Variants in ALK observed in about 807,000 individuals in gnomAD.
The protein encoded by ALK is ALK tyrosine kinase receptor.
A neutral mutation model predicts 163.1 loss-of-function variants in ALK; 74 were observed. The observed-to-expected ratio is 0.45, with a 90% CI of 0.38 to 0.55. The LOEUF (loss-of-function observed/expected upper bound fraction) is 0.55, where lower values mean the gene tolerates loss of function less well. Ranked by LOEUF, ALK falls within the 20% of genes least tolerant of loss-of-function variation. ALK has a pLI of 0.00. For synonymous variants in ALK, 960 were observed against 843.2 expected, an observed-to-expected ratio of 1.14 and a Z score of -2.40; for missense variants, 2,063 against 2,105.3, an observed-to-expected ratio of 0.98 and a Z score of 0.39.
chr2:29,420,478 T>G (rs1669989831), intron 4 of ALK, among the ~76,000 whole-genome samples: 3 of 151,500 alleles, frequency 2.0e-5, no homozygotes, highest in Admixed American at 2.0e-4. Flanking sequence ...GAGGAACGCA[T>G]TCTGGTTGAG....
intron 3 of ALK, among the ~76,000 whole-genome samples, chr2:29,605,305 T>A (rs1166168656): frequency 6.6e-6 from 1 of 152,204 alleles, no homozygotes; most frequent in Non-Finnish European, 1.5e-5. Context: ...CCTTGCTCGC[T>A]ACTCACCTCC....
chr2:29,375,767 T>C (rs1369332258), intron 5 of ALK, among the ~76,000 whole-genome samples: 1 of 152,174 alleles, frequency 6.6e-6, no homozygotes, highest in Non-Finnish European at 1.5e-5. Context: ...CTGATTCTGG[T>C]TCAGTGCTCA....
At chr2:29,205,432 CCAAA>C (rs1297304590) in intron 26 of ALK, among the ~76,000 whole-genome samples, 1 of 151,326 alleles carries the variant, frequency 6.6e-6, no homozygotes, top group East Asian at 1.9e-4. Context: ...AACCAACCAA[CCAAA>C]CAACCACATG....
chr2:29,727,971 G>GA (rs1051562470), intron 1 of ALK, among the ~76,000 whole-genome samples: 7 of 152,092 alleles, frequency 4.6e-5, no homozygotes, highest in Non-Finnish European at 7.4e-5. Context: ...TCTCGTTAGT[G>GA]AAAAAAATCA....
chr2:29,837,991 C>T, intron 1 of ALK, among the ~76,000 whole-genome samples: 1 of 151,922 alleles, frequency 6.6e-6, no homozygotes, highest in East Asian at 1.9e-4. Context: ...AACAAAGAAA[C>T]AATTACAATG....
intron 23 of ALK, among the ~76,000 whole-genome samples, chr2:29,215,124 C>G (rs11127208): frequency 0.39 from 58,996 of 152,132 alleles, 13,313 homozygotes; most frequent in Non-Finnish European, 0.51. Context: ...CTCTTGAGCA[C>G]CTGGGCAAAC....
At chr2:29,813,090 A>C (rs1240411607) in intron 1 of ALK, among the ~76,000 whole-genome samples, 2 of 152,220 alleles carry the variant, frequency 1.3e-5, no homozygotes, top group Non-Finnish European at 2.9e-5. Flanking sequence ...AGACTGGAAG[A>C]CATTATTTCT....
chr2:29,913,662 T>C (rs1667762528), intron 1 of ALK, among the ~76,000 whole-genome samples: 1 of 152,206 alleles, frequency 6.6e-6, no homozygotes, highest in African/African-American at 2.4e-5. Flanking sequence ...CTATGGTTCA[T>C]AGAAACCACC....
chr2:29,258,159 G>A (rs1382306836), intron 11 of ALK, among the ~76,000 whole-genome samples: 1 of 152,158 alleles, frequency 6.6e-6, no homozygotes, highest in African/African-American at 2.4e-5. Context: ...TGAAGAAACT[G>A]GGCTATTTGA....
chr2:29,430,470 C>G (rs1259779231), intron 4 of ALK, among the ~76,000 whole-genome samples: 1 of 152,184 alleles, frequency 6.6e-6, no homozygotes, highest in Non-Finnish European at 1.5e-5. Context: ...GTCTTTAACA[C>G]AACTACTCAG....
chr2:29,209,732 G>A, intron 25 of ALK, 54 bp downstream of exon 25: 1 of 1,345,616 alleles, frequency 7.4e-7, no homozygotes, highest in Non-Finnish European at 1.1e-6. Flanking sequence ...CCCCATTCTT[G>A]AGGGGCTGAG....
chr2:29,752,397 T>C (rs1680393901), intron 1 of ALK, among the ~76,000 whole-genome samples: 1 of 147,336 alleles, frequency 6.8e-6, no homozygotes, highest in African/African-American at 2.5e-5. Flanking sequence ...TCGCCCAGGC[T>C]GGAGTGCAGT....
intron 3 of ALK, among the ~76,000 whole-genome samples, chr2:29,631,044 C>T (rs568510210): frequency 1.2e-4 from 18 of 151,698 alleles, no homozygotes; most frequent in East Asian, 7.8e-4. Flanking sequence ...AAAATGACCA[C>T]GGTGAGACTG....
intron 1 of ALK, among the ~76,000 whole-genome samples, chr2:29,790,669 T>C (rs901493296): frequency 2.6e-5 from 4 of 152,088 alleles, no homozygotes; most frequent in African/African-American, 4.8e-5. Flanking sequence ...CTGCAACCTC[T>C]GCCTCCCAGG....
chr2:29,362,154 G>A (rs1047392416), intron 5 of ALK, among the ~76,000 whole-genome samples: 4 of 152,174 alleles, frequency 2.6e-5, no homozygotes, highest in Non-Finnish European at 5.9e-5. Context: ...AGGAAGAATC[G>A]AAGAGAACAG....
At position 29,920,937 on chromosome 2, in the gene ALK, C is replaced by G. The variant is rs972999588; in HGVS notation, c.-278G>C. ...GGGACCTTGAGCCTCCCGCTCTCCG[C>G]GCCGAGTGCCGCGCCCCCGTCTGTA... On this transcript the variant is annotated 5_prime_UTR_variant, in exon 1 of 29. Transcript: ENST00000389048. 6 of 501,030 alleles carry G rather than the reference C, an allele frequency of 1.2e-5. No homozygotes were observed. The highest frequency in any genetic ancestry group is 7.7e-5 in the African/African-American group (4 of 51,774). 31.0% of individuals were successfully genotyped at this position (501,030 alleles called of 1,614,324 possible).
At chr2:29,823,297 T>C (rs551900786) in intron 1 of ALK, among the ~76,000 whole-genome samples, 3 of 152,292 alleles carry the variant, frequency 2.0e-5, no homozygotes, top group South Asian at 2.1e-4. Flanking sequence ...AGATATATCA[T>C]TATCAGCAGC....
Position 29,223,498 on chromosome 2 carries a change from G to A in ALK, c.3203C>T (p.Ala1068Val), listed in dbSNP as rs754439273. ...AGGGCTCTGCAGCTCCATCTGCATG[G>A]CTTGCAGCTCCTGGTGCTTCCGGCG... ...VYRRKHQELQ[A>V]MQMELQSPEY... Residue 1068 changes from alanine to valine, a missense_variant, in exon 20 of 29, where the codon GCC becomes GTC. By Grantham distance (64) the Ala-to-Val change is moderately conservative (BLOSUM62 0). This residue lies in a region of ALK where 575 missense variants were observed against 626.6 expected (regional missense o/e 0.92). Coordinates refer to ENST00000389048, the MANE Select transcript of ALK (RefSeq NM_004304.5). 1 of 1,614,038 alleles carries A rather than the reference G, an allele frequency of 6.2e-7. No individual in the cohort carries two copies. The highest frequency in any genetic ancestry group is 8.5e-7 in the Non-Finnish European group (1 of 1,180,036).
At position 29,831,230 on chromosome 2, in the gene ALK, GAAGAGGAAGAA is replaced by G. The variant is rs1274194562; in HGVS notation, c.667+88752_667+88762del. ...GGAAGAGGAAGAGGAAGAGGAAGAA[GAAGAGGAAGAA>G]GAAGAGGAAGAGGAAGAGGAAGAAG... is the stretch of plus-strand genomic sequence containing the variant. On this transcript the variant is annotated intron_variant, in intron 1 of 28. Coordinates refer to ENST00000389048, the MANE Select transcript of ALK (RefSeq NM_004304.5). Among the ~76,000 whole-genome samples the G allele has an allele frequency of 8.0e-4, 68 of 84,874 alleles. 11 individuals are homozygous for G. The highest frequency in any genetic ancestry group is 3.0e-3 in the African/African-American group (66 of 21,804). The allele number at this position is 84,874 out of a possible 152,430, so 55.7% of individuals were successfully genotyped here. A position where few individuals can be genotyped will look rare whatever the true frequency, so the allele number is the denominator to read the frequency against.
Sources: gnomAD v4.1 joint callset for allele counts (sites outside exome capture counted in the v4.1 genomes callset) on GRCh38, gnomAD v4.1.1 for gene constraint, gnomAD v4.1.1 regional missense constraint, MANE v1.5 for transcripts, NCBI Gene and HGNC (gene_info 2026-07-23, HGNC 2026-07-21) for gene names.